TANGO6: variants seen among roughly 807,000 people sequenced by gnomAD.
TANGO6 encodes the protein transport and golgi organization 6 homolog, also known as transport and Golgi organization protein 6 homolog.
A neutral mutation model predicts 114.2 loss-of-function variants in TANGO6; 90 were observed. The ratio of observed to expected loss-of-function variants is 0.79; its 90% CI spans 0.66 to 0.94. TANGO6 has a LOEUF of 0.94. Ranked by LOEUF, TANGO6 falls within the 40% of genes least tolerant of loss-of-function variation. The pLI is 0.00. For synonymous variants in TANGO6, 477 were observed against 509.8 expected, an observed-to-expected ratio of 0.94 and a Z score of 0.87; for missense variants, 1,274 against 1,315.3, an observed-to-expected ratio of 0.97 and a Z score of 0.49.
In TANGO6 at chr16:69,084,271, G is replaced by C. The variant is rs1285006402; in HGVS notation, c.*610G>C. Reference sequence around the variant, plus strand: ...AGATGGAAAACTGTGGAGTTGAAGAGGCTCTGATGCCCAGAAAGGACAATC... The same window carrying C: ...AGATGGAAAACTGTGGAGTTGAAGACGCTCTGATGCCCAGAAAGGACAATC... On this transcript the variant is annotated 3_prime_UTR_variant, in exon 18 of 18. Transcript: ENST00000261778. 1 of 152,396 alleles carries C rather than the reference G, an allele frequency of 6.6e-6. No individual in the cohort carries two copies. The highest frequency in any genetic ancestry group is 1.5e-5 in the Non-Finnish European group (1 of 68,096). The allele number at this position is 152,396 out of a possible 1,614,324, so 9.4% of individuals were successfully genotyped here.
intron 17 of TANGO6, among the ~76,000 whole-genome samples, chr16:69,074,974 G>A (rs1419730662): frequency 6.6e-6 from 1 of 151,920 alleles, no homozygotes; most frequent in Non-Finnish European, 1.5e-5. Context: ...TCAGCCTCCT[G>A]AGTATCTGGG....
At chr16:69,005,897 C>G (rs774797769) in intron 15 of TANGO6, among the ~76,000 whole-genome samples, 24 of 152,010 alleles carry the variant, frequency 1.6e-4, no homozygotes, top group Non-Finnish European at 3.5e-4. Flanking sequence ...CTCCAAGAGT[C>G]TGAATCTGCA....
chr16:69,076,093 T>C (rs1960374278), intron 17 of TANGO6, among the ~76,000 whole-genome samples: 1 of 135,604 alleles, frequency 7.4e-6, no homozygotes, highest in Admixed American at 7.4e-5. Flanking sequence ...CATTTCTTTT[T>C]TTTTTTTTTT....
chr16:68,875,284 C>T lies in TANGO6; in HGVS notation c.1125C>T (p.Cys375=). Residue 375 remains cysteine, a synonymous_variant, in exon 5 of 18, where the codon TGC becomes TGT. Transcript: ENST00000261778. ...LSPENYYRDI[C]PQVLDLFHFQ... ...CAGAGAATTACTACAGGGACATCTGCCCCCAGGTAAATCTTTTTGTTTCTA... is the reference window on the plus strand; with the variant it reads ...CAGAGAATTACTACAGGGACATCTGTCCCCAGGTAAATCTTTTTGTTTCTA... The T allele has an allele frequency of 1.9e-6, 3 of 1,612,246 alleles. No homozygotes were observed. The highest frequency in any genetic ancestry group is 2.5e-6 in the Non-Finnish European group (3 of 1,178,820).
intron 4 of TANGO6, among the ~76,000 whole-genome samples, chr16:68,869,988 T>C (rs1453554326): frequency 6.6e-6 from 1 of 152,190 alleles, no homozygotes; most frequent in Non-Finnish European, 1.5e-5. Context: ...GTTCAGGATG[T>C]TGAACTTTAT....
chr16:69,071,694 A>T (rs1157564625), intron 17 of TANGO6, among the ~76,000 whole-genome samples: 1 of 152,210 alleles, frequency 6.6e-6, no homozygotes, highest in East Asian at 1.9e-4. Flanking sequence ...GGTTTTTATA[A>T]TCAAACAAAT....
At position 68,927,640 on chromosome 16, in the gene TANGO6, G is replaced by C. The variant is rs1963183990; in HGVS notation, c.2200G>C (p.Asp734His). The stretch of plus-strand genomic sequence containing the variant: ...GGAGAAGGTATCCAACACATACCCT[G>C]ATCCGGTCATCCAAGAACTCGCTGT... The part of the protein sequence containing the change: ...LLEKVSNTYP[D>H]PVIQELAVDL... Residue 734 changes from aspartate (D) to histidine (H), a missense_variant, in exon 13 of 18, where the codon GAT becomes CAT. Physicochemically the swap from Asp to His is moderately conservative, Grantham distance 81. Coordinates refer to ENST00000261778, the MANE Select transcript of TANGO6 (RefSeq NM_024562.2). 1.9e-6 allele frequency: 3 copies of C among 1,613,870 alleles called. No homozygotes were observed. The highest frequency in any genetic ancestry group is 1.3e-5 in the African/African-American group (1 of 74,908).
chr16:69,052,396 G>C (rs1176763324), intron 17 of TANGO6, among the ~76,000 whole-genome samples: 1 of 151,486 alleles, frequency 6.6e-6, no homozygotes, highest in African/African-American at 2.4e-5. Flanking sequence ...AGCCTCCCGA[G>C]TAGCTGGGAC....
At chr16:68,864,955 T>G (rs1353593230) in intron 3 of TANGO6, among the ~76,000 whole-genome samples, 1 of 152,046 alleles carries the variant, frequency 6.6e-6, no homozygotes, top group Non-Finnish European at 1.5e-5. Context: ...ATGAAATATT[T>G]CTGTTACTAA....
intron 15 of TANGO6, among the ~76,000 whole-genome samples, chr16:69,005,549 C>G (rs1964084761): frequency 6.6e-6 from 1 of 151,924 alleles, no homozygotes; most frequent in African/African-American, 2.4e-5. Context: ...CTCAGGAGGC[C>G]AATCCCAGGA....
chr16:69,075,382 T>C (rs1263999883), intron 17 of TANGO6, among the ~76,000 whole-genome samples: 1 of 152,136 alleles, frequency 6.6e-6, no homozygotes, highest in Non-Finnish European at 1.5e-5. Flanking sequence ...TTGTATTTCA[T>C]AGTTTACACA....
intron 11 of TANGO6, among the ~76,000 whole-genome samples, chr16:68,911,335 T>C (rs1295190963): frequency 1.3e-5 from 2 of 152,112 alleles, no homozygotes; most frequent in African/African-American, 2.4e-5. Flanking sequence ...AATAGATATT[T>C]CCAGCTCAGT....
intron 7 of TANGO6, among the ~76,000 whole-genome samples, chr16:68,897,363 T>G (rs150601340): frequency 1.3e-5 from 2 of 152,310 alleles, no homozygotes; most frequent in East Asian, 3.9e-4. Flanking sequence ...ATTAGCTCCT[T>G]GAAGCAGATA....
chr16:68,900,334 T>C, intron 7 of TANGO6, 100 bp from the exon 8 acceptor site: 4 of 874,328 alleles, frequency 4.6e-6, no homozygotes, highest in Non-Finnish European at 5.6e-6. Context: ...GGATGAGATA[T>C]TGCTTAAGAC....
At chr16:68,850,729 G>A (rs1242240968) in intron 1 of TANGO6, among the ~76,000 whole-genome samples, 1 of 152,186 alleles carries the variant, frequency 6.6e-6, no homozygotes, top group Non-Finnish European at 1.5e-5. Context: ...AGCAGCCATA[G>A]ACTATATGTA....
chr16:69,046,305 G>T (rs1395549664), intron 17 of TANGO6, among the ~76,000 whole-genome samples: 1 of 150,760 alleles, frequency 6.6e-6, no homozygotes, highest in Non-Finnish European at 1.5e-5. Context: ...CCTGATGTTA[G>T]AATTATCAGA....
intron 1 of TANGO6, among the ~76,000 whole-genome samples, chr16:68,847,355 A>C (rs1406983996): frequency 6.6e-6 from 1 of 152,126 alleles, no homozygotes; most frequent in Admixed American, 6.5e-5. Context: ...AACCCCCGGC[A>C]AGCCAGGTCC....
intron 15 of TANGO6, among the ~76,000 whole-genome samples, chr16:68,991,411 T>G (rs918450595): frequency 2.0e-5 from 3 of 150,822 alleles, no homozygotes; most frequent in African/African-American, 7.3e-5. Flanking sequence ...AGGTCAGGAG[T>G]TCAAGACCAG....
chr16:68,966,289 C>T (rs1963644584), intron 14 of TANGO6, among the ~76,000 whole-genome samples: 1 of 151,850 alleles, frequency 6.6e-6, no homozygotes, highest in East Asian at 1.9e-4. Context: ...TTTGGGAGGC[C>T]AAGGCAGGTG....
Sources: allele counts gnomAD v4.1 joint callset (sites outside exome capture counted in the v4.1 genomes callset), GRCh38; gene constraint gnomAD v4.1.1; transcripts MANE v1.5; gene names NCBI Gene and HGNC (gene_info 2026-07-23, HGNC 2026-07-21).